The following GKAP1 variants were observed in gnomAD, a reference collection of about 807,000 sequenced individuals.
GKAP1 encodes G kinase-anchoring protein 1.
GKAP1 carries 31 observed loss-of-function variants against 56.7 expected under a neutral mutation model. The ratio of observed to expected loss-of-function variants is 0.55; its 90% CI spans 0.41 to 0.74. The LOEUF is 0.74. Ranked by LOEUF, GKAP1 falls within the 30% of genes least tolerant of loss-of-function variation. The pLI, the probability that GKAP1 is intolerant of heterozygous loss-of-function variation, is 0.00. For missense variants in GKAP1, 364 were observed against 402.3 expected (o/e 0.90, Z 0.82); for synonymous variants, 151 against 138.6 (o/e 1.09, Z -0.63).
intron 3 of GKAP1, among the ~76,000 whole-genome samples, chr9:83,804,364 G>A (rs1242005175): frequency 3.0e-5 from 3 of 100,230 alleles, no homozygotes; most frequent in African/African-American, 4.5e-5. Context: ...TCAGCCCCCC[G>A]CCCGGCCAGC....
intron 2 of GKAP1, among the ~76,000 whole-genome samples, chr9:83,813,572 T>C (rs766894473): frequency 2.6e-5 from 4 of 152,164 alleles, no homozygotes; most frequent in African/African-American, 7.2e-5. Flanking sequence ...CCAGGCAACA[T>C]AGCAAAACCG....
At position 83,758,254 on chromosome 9, in the gene GKAP1, A is replaced by G. The variant is rs151190784; in HGVS notation, c.739-4895T>C. On this transcript the variant is annotated intron_variant, in intron 8 of 12. Coordinates refer to ENST00000376371, the MANE Select transcript of GKAP1 (RefSeq NM_025211.4). ...AAAAAATTAAATGTATGATCAGTGA[A>G]TATCAAGCCATCAATTCTAAACAAT... Among the ~76,000 whole-genome samples, 4 of 152,360 alleles carry G rather than the reference A, an allele frequency of 2.6e-5. No homozygotes were observed. In the East Asian group the frequency reaches 5.8e-4, roughly 22 times the overall value.
At chr9:83,811,623 A>C (rs763717496) in intron 2 of GKAP1, among the ~76,000 whole-genome samples, 21 of 152,222 alleles carry the variant, frequency 1.4e-4, no homozygotes, top group Non-Finnish European at 2.4e-4. Flanking sequence ...CCTATGTGTT[A>C]ACATGTCTGA....
intron 4 of GKAP1, among the ~76,000 whole-genome samples, chr9:83,792,000 T>G (rs953888872): frequency 1.3e-5 from 2 of 152,226 alleles, no homozygotes; most frequent in African/African-American, 4.8e-5. Context: ...AAGTGAATTT[T>G]AAACATTACA....
intron 2 of GKAP1, among the ~76,000 whole-genome samples, chr9:83,813,073 G>A (rs965503019): frequency 2.0e-5 from 3 of 152,144 alleles, no homozygotes; most frequent in Non-Finnish European, 4.4e-5. Flanking sequence ...GCTAGGGTTA[G>A]TATTCCTTCA....
rs1329805427 is a variant in GKAP1, at chr9:83,799,195, CTT to C, written c.348_349del (p.Asp118Ter). 2.5e-6 allele frequency: 4 copies of C among 1,613,296 alleles called. No individual in the cohort carries two copies. The highest frequency in any genetic ancestry group is 1.3e-5 in the African/African-American group (1 of 74,886). ...TTTACTTAGTTGTACCTGCTCATCT[CTT>C]TGTCTCCACTCTTGCCAATTTTCTT... On this transcript the variant is annotated frameshift_variant, in exon 4 of 13. Transcript: ENST00000376371. LOFTEE classifies it high-confidence loss of function.
intron 2 of GKAP1, among the ~76,000 whole-genome samples, chr9:83,813,192 C>T (rs1944535961): frequency 1.3e-5 from 2 of 152,142 alleles, no homozygotes; most frequent in South Asian, 2.1e-4. Context: ...ACTTTTTCTC[C>T]TTCAAATACA....
chr9:83,812,308 C>CACACGTAT (rs1944520745), intron 2 of GKAP1, among the ~76,000 whole-genome samples: 1 of 145,680 alleles, frequency 6.9e-6, no homozygotes, highest in African/African-American at 2.5e-5. Flanking sequence ...TATACGTATA[C>CACACGTAT]ATATATATGT....
At chr9:83,757,374 A>G (rs1357164222) in intron 8 of GKAP1, among the ~76,000 whole-genome samples, 1 of 152,228 alleles carries the variant, frequency 6.6e-6, no homozygotes, top group Admixed American at 6.5e-5. Flanking sequence ...ACAGTGACGT[A>G]TGATAGGTTT....
At chr9:83,790,747 G>A (rs1241630990) in intron 4 of GKAP1, among the ~76,000 whole-genome samples, 1 of 151,968 alleles carries the variant, frequency 6.6e-6, no homozygotes, top group Non-Finnish European at 1.5e-5. Context: ...CAGAGGCGGA[G>A]GTTGCAGTGA....
At chr9:83,817,476 G>A (rs952669645) in intron 1 of GKAP1, 41 bp downstream of exon 1, 6 of 151,628 alleles carry the variant, frequency 4.0e-5, no homozygotes, top group African/African-American at 9.7e-5. Flanking sequence ...CGGGGTGCCG[G>A]AGCGGACACC....
rs367704213 is a variant in GKAP1 at position 83,740,363 on chromosome 9, T to TTAACA, written c.1054-624_1054-620dup. Among the ~76,000 whole-genome samples, 1,417 of 152,118 alleles carry TTAACA rather than the reference T, an allele frequency of 9.3e-3. 24 individuals are homozygous for TTAACA. The highest frequency in any genetic ancestry group is 0.027 in the African/African-American group (1,122 of 41,460). On this transcript the variant is annotated intron_variant, in intron 12 of 12. Coordinates refer to ENST00000376371, the MANE Select transcript of GKAP1 (RefSeq NM_025211.4). ...ACAAGAAGGGTTTTACATAAATATTTTAACATAACATAACATAACATAACA... is the reference window on the plus strand; with the variant it reads ...ACAAGAAGGGTTTTACATAAATATTTTAACATAACATAACATAACATAACATAACA...
intron 8 of GKAP1, among the ~76,000 whole-genome samples, chr9:83,759,195 C>T (rs752349649): frequency 1.3e-5 from 2 of 152,068 alleles, no homozygotes; most frequent in Non-Finnish European, 2.9e-5. Context: ...TCGTTCTTTT[C>T]CTTTGTTAAA....
At chr9:83,802,991 C>A in intron 3 of GKAP1, among the ~76,000 whole-genome samples, 1 of 151,932 alleles carries the variant, frequency 6.6e-6, no homozygotes, top group Non-Finnish European at 1.5e-5. Context: ...TGCCTGTGGT[C>A]CCAGTTGCTT....
At chr9:83,815,207 C>G (rs1944565611) in intron 2 of GKAP1, among the ~76,000 whole-genome samples, 1 of 151,898 alleles carries the variant, frequency 6.6e-6, no homozygotes, top group Non-Finnish European at 1.5e-5. Context: ...TTTAAGAGAA[C>G]TAGGATGCAT....
chr9:83,806,514 C>A lies in GKAP1; in HGVS notation c.4G>T (p.Ala2Ser). MASAVLSSVPTT... is the reference protein window; with the variant it reads MSSAVLSSVPTT... The stretch of plus-strand genomic sequence containing the variant: ...GGAACAGAACTAAGTACTGCTGAGG[C>A]CATCGTAAAGATTTTTCTTTTAAAA... The change falls in exon 3 of 13, where the codon GCC becomes TCC. Residue 2 changes from alanine (A) to serine (S), a missense_variant. Ala to Ser is a moderately conservative substitution (Grantham distance 99). Coordinates refer to ENST00000376371, the MANE Select transcript of GKAP1 (RefSeq NM_025211.4). 6.2e-7 allele frequency: 1 copy of A among 1,610,646 alleles called. No homozygotes were observed. The highest frequency in any genetic ancestry group is 1.1e-5 in the South Asian group (1 of 89,762).
At chr9:83,813,340 T>C (rs1944537956) in intron 2 of GKAP1, among the ~76,000 whole-genome samples, 1 of 152,274 alleles carries the variant, frequency 6.6e-6, no homozygotes, top group African/African-American at 2.4e-5. Flanking sequence ...TGGTGGCTAA[T>C]ACTGTATATT....
chr9:83,793,524 A>C (rs1944197016), intron 4 of GKAP1, among the ~76,000 whole-genome samples: 1 of 152,162 alleles, frequency 6.6e-6, no homozygotes, highest in Non-Finnish European at 1.5e-5. Context: ...ATCTCAGCTA[A>C]TGTATTTTTA....
At chr9:83,741,749 G>C (rs1943212599) in intron 12 of GKAP1, among the ~76,000 whole-genome samples, 1 of 151,960 alleles carries the variant, frequency 6.6e-6, no homozygotes, top group Non-Finnish European at 1.5e-5. Context: ...GAATTTTCCT[G>C]AATTATGCTA....
Sources: gnomAD v4.1 joint callset for allele counts (sites outside exome capture counted in the v4.1 genomes callset) on GRCh38, gnomAD v4.1.1 for gene constraint, MANE v1.5 for transcripts, NCBI Gene and HGNC (gene_info 2026-07-23, HGNC 2026-07-21) for gene names.